The following PISD variants were observed in gnomAD, a reference collection of about 807,000 sequenced individuals.
The protein encoded by PISD is phosphatidylserine decarboxylase.
In PISD, 31 loss-of-function variants were observed where a neutral mutation model predicts 43.5. The observed-to-expected ratio is 0.71, with a 90% CI of 0.54 to 0.96. The LOEUF is 0.96. PISD is among the 40% of genes least tolerant of loss of function. PISD has a pLI of 0.00. For missense variants in PISD, 523 were observed against 548.4 expected, an observed-to-expected ratio of 0.95 and a Z score of 0.46; for synonymous variants, 259 against 228.7, an observed-to-expected ratio of 1.13 and a Z score of -1.20.
intron 3 of PISD, among the ~76,000 whole-genome samples, chr22:31,631,937 AG>A (rs2073224131): frequency 6.6e-6 from 1 of 152,192 alleles, no homozygotes; most frequent in African/African-American, 2.4e-5. Context: ...TAAGGCATGA[AG>A]GCTCATGCCT....
At chr22:31,647,619 T>A (rs1475529126) in intron 3 of PISD, among the ~76,000 whole-genome samples, 1 of 152,226 alleles carries the variant, frequency 6.6e-6, no homozygotes, top group Non-Finnish European at 1.5e-5. Context: ...ATGAACAAGA[T>A]GTTTCATTAC....
chr22:31,650,945 A>T (rs2074014572), intron 1 of PISD, among the ~76,000 whole-genome samples, 167 bp from the exon 2 acceptor site: 1 of 152,060 alleles, frequency 6.6e-6, no homozygotes, highest in Admixed American at 6.6e-5. Context: ...GAAGGACTGA[A>T]ATATTTATTT....
Position 31,621,481 on chromosome 22 carries a change from G to A in PISD, c.559-9C>T. On this transcript the variant is annotated splice_polypyrimidine_tract_variant and intron_variant, in intron 4 of 7. Coordinates refer to ENST00000439502, the MANE Select transcript of PISD (RefSeq NM_001326411.2). ...CCATCCGATGGGCTAATCTGGAAGG[G>A]CAGGAGAGGCTTGCTGCCAGGGAGA... 6.2e-7 allele frequency: 1 copy of A among 1,614,050 alleles called. No homozygotes were observed. The highest frequency in any genetic ancestry group is 1.6e-4 in the Middle Eastern group (1 of 6,062).
At chr22:31,657,344 C>G (rs1338978776) in intron 1 of PISD, among the ~76,000 whole-genome samples, 1 of 152,060 alleles carries the variant, frequency 6.6e-6, no homozygotes, top group African/African-American at 2.4e-5. Context: ...ACCTTCTTGG[C>G]CAGACTGATC....
intron 3 of PISD, among the ~76,000 whole-genome samples, chr22:31,640,603 C>T (rs1281314678): frequency 4.5e-5 from 4 of 88,302 alleles, no homozygotes; most frequent in Non-Finnish European, 6.1e-5. Flanking sequence ...TTTTTTGAGA[C>T]GGAGTCTCGC....
chr22:31,623,846 C>T, intron 3 of PISD: 1 of 1,612,664 alleles, frequency 6.2e-7, no homozygotes, highest in Middle Eastern at 1.7e-4. Flanking sequence ...GGGGGAAGTG[C>T]AACCTGCAGG....
At chr22:31,622,608 A>G (rs940274433) in intron 3 of PISD, among the ~76,000 whole-genome samples, 1 of 152,224 alleles carries the variant, frequency 6.6e-6, no homozygotes, top group Non-Finnish European at 1.5e-5. Flanking sequence ...TGACTGAGCC[A>G]GGCCATAAAG....
chr22:31,626,142 T>TG, intron 3 of PISD: 4 of 904,610 alleles, frequency 4.4e-6, no homozygotes, highest in Non-Finnish European at 6.0e-6. Context: ...GCTCTGTCCC[T>TG]GCTACCCAGG....
chr22:31,627,728 C>T (rs1023909166), intron 3 of PISD, among the ~76,000 whole-genome samples: 2 of 152,224 alleles, frequency 1.3e-5, no homozygotes, highest in Non-Finnish European at 1.5e-5. Flanking sequence ...GGGACAGTGA[C>T]GACCACAGCC....
Position 31,619,693 on chromosome 22 carries a change from G to T in PISD, c.1149C>A (p.Ile383=), listed in dbSNP as rs2072374549. 1 of 1,614,106 alleles carries T rather than the reference G, an allele frequency of 6.2e-7. No homozygotes were observed. Among genetic ancestry groups the T allele is most frequent in the African/African-American group, 1.3e-5 (1 of 74,942 alleles). Residue 383 remains isoleucine (I), a synonymous_variant, in exon 8 of 8, where the codon ATC becomes ATA. Transcript: ENST00000439502. ...EFNLGSTIVL[I]FEAPKDFNFQ... The stretch of plus-strand genomic sequence containing the variant: ...AATTGAAGTCCTTGGGGGCCTCGAA[G>T]ATGAGCACGATGGTGGAGCCCAGGT...
chr22:31,631,240 A>G (rs1603402812), intron 3 of PISD, among the ~76,000 whole-genome samples: 1 of 152,148 alleles, frequency 6.6e-6, no homozygotes, highest in East Asian at 1.9e-4. Context: ...ACCCAACACT[A>G]GGCAGACTCA....
chr22:31,627,324 G>A (rs766203489), intron 3 of PISD, among the ~76,000 whole-genome samples: 3 of 152,230 alleles, frequency 2.0e-5, no homozygotes, highest in Admixed American at 6.5e-5. Context: ...GGAAGGTGCC[G>A]GCACCAGGAG....
intron 3 of PISD, among the ~76,000 whole-genome samples, chr22:31,642,663 C>T (rs922877290): frequency 1.3e-5 from 2 of 150,178 alleles, no homozygotes; most frequent in Non-Finnish European, 2.9e-5. Context: ...CGTGGTGGTG[C>T]GCGCACCTGT....
chr22:31,657,286 C>T, intron 1 of PISD, among the ~76,000 whole-genome samples: 1 of 151,968 alleles, frequency 6.6e-6, no homozygotes, highest in Admixed American at 6.6e-5. Flanking sequence ...CAGGCACCCA[C>T]CACCATGCCT....
chr22:31,619,343 C>T lies in PISD; in HGVS notation c.*269G>A. 1 of 512,872 alleles carries T rather than the reference C, an allele frequency of 1.9e-6. No individual in the cohort carries two copies. The highest frequency in any genetic ancestry group is 4.3e-5 in the East Asian group (1 of 23,270). 31.8% of individuals were successfully genotyped at this position (512,872 alleles called of 1,614,324 possible). A position where few individuals can be genotyped will look rare whatever the true frequency, so the allele number is the denominator to read the frequency against. ...CCGTCTATACAGTGTTTAAAAAGAT[C>T]CAAATGTGACTGAGATCATTCCAGC... On this transcript the variant is annotated 3_prime_UTR_variant, in exon 8 of 8. Transcript: ENST00000439502.
At chr22:31,624,926 C>T (rs918495475) in intron 3 of PISD, among the ~76,000 whole-genome samples, 2 of 152,150 alleles carry the variant, frequency 1.3e-5, no homozygotes, top group African/African-American at 4.8e-5. Flanking sequence ...ACAAGGCCCA[C>T]CCCACCCTGT....
In PISD at chr22:31,650,782, T is replaced by C. The variant is rs2074010087; in HGVS notation, c.66-4A>G. 3.3e-6 allele frequency: 5 copies of C among 1,533,876 alleles called. No individual in the cohort carries two copies. Among genetic ancestry groups the C allele is most frequent in the Admixed American group, 2.0e-5 (1 of 48,958 alleles). ...AGTGATCTCACAGGGATGGAGGCTATAACCAAGCAAAAATGAACCATTAAA... is the reference window on the plus strand; with the variant it reads ...AGTGATCTCACAGGGATGGAGGCTACAACCAAGCAAAAATGAACCATTAAA... On this transcript the variant is annotated splice_polypyrimidine_tract_variant and splice_region_variant and intron_variant, in intron 1 of 7. Coordinates refer to ENST00000439502, the MANE Select transcript of PISD (RefSeq NM_001326411.2).
intron 3 of PISD, among the ~76,000 whole-genome samples, chr22:31,622,816 G>C (rs1371122290): frequency 6.6e-6 from 1 of 152,236 alleles, no homozygotes; most frequent in East Asian, 1.9e-4. Flanking sequence ...TTAAACTTCA[G>C]GTGCTGCTGC....
chr22:31,656,075 C>T (rs951575850), intron 1 of PISD, among the ~76,000 whole-genome samples: 9 of 151,986 alleles, frequency 5.9e-5, no homozygotes, highest in African/African-American at 2.2e-4. Context: ...AGGTGGATCA[C>T]CTGAGGTCGG....
Sources: gnomAD v4.1 joint callset for allele counts (sites outside exome capture counted in the v4.1 genomes callset) on GRCh38, gnomAD v4.1.1 for gene constraint, MANE v1.5 for transcripts, NCBI Gene and HGNC (gene_info 2026-07-23, HGNC 2026-07-21) for gene names.